The following SVOP variants were observed in gnomAD, a reference collection of about 807,000 sequenced individuals.
SVOP encodes the protein SV2 related protein, also known as synaptic vesicle 2-related protein.
In SVOP, 17 loss-of-function variants were observed where a neutral mutation model predicts 69.1. The ratio of observed to expected loss-of-function variants is 0.25; its 90% CI spans 0.17 to 0.37. SVOP has a LOEUF of 0.37. Ranked by LOEUF, SVOP falls within the 10% of genes least tolerant of loss-of-function variation. The pLI, the probability that SVOP is intolerant of heterozygous loss-of-function variation, is 1.00. For missense variants in SVOP, 435 were observed against 597.5 expected (o/e 0.73, Z 2.84); for synonymous variants, 238 against 238.6 (o/e 1.00, Z 0.02).
chr12:108,952,280 G>C (rs1319884885), intron 6 of SVOP, among the ~76,000 whole-genome samples: 1 of 139,460 alleles, frequency 7.2e-6, no homozygotes, highest in East Asian at 2.1e-4. Flanking sequence ...TGTTCCCCAG[G>C]CTGGAGTGTA....
intron 1 of SVOP, among the ~76,000 whole-genome samples, chr12:108,994,648 C>T (rs1865148): frequency 0.25 from 38,003 of 152,094 alleles, 5,019 homozygotes; most frequent in African/African-American, 0.3. Flanking sequence ...GCGGCAAGCT[C>T]GCCCAAGGTC....
chr12:108,919,714 A>C lies in SVOP; in HGVS notation c.1229T>G (p.Phe410Cys), dbSNP rs769695390. ...KKTMALCFVI[F>C]SFCSLLLFIC... ...AAACAGCAGGAGGCTGCAGAAGGAG[A>C]AGATGACAAAGCACAGGGCCATGGT... Residue 410 changes from phenylalanine (F) to cysteine (C), a missense_variant, in exon 13 of 16, where the codon TTC becomes TGC. Coordinates refer to ENST00000610966, the MANE Select transcript of SVOP (RefSeq NM_018711.5). 4.4e-6 allele frequency: 7 copies of C among 1,608,042 alleles called. No individual in the cohort carries two copies. Among genetic ancestry groups the C allele is most frequent in the African/African-American group, 1.3e-5 (1 of 74,860 alleles).
chr12:108,927,789 G>T (rs2039790308), intron 11 of SVOP, among the ~76,000 whole-genome samples: 1 of 151,724 alleles, frequency 6.6e-6, no homozygotes, highest in African/African-American at 2.4e-5. Context: ...TAGAGATGGG[G>T]TCTTACCATT....
intron 4 of SVOP, among the ~76,000 whole-genome samples, chr12:108,974,579 A>G (rs1300578552): frequency 6.6e-6 from 1 of 152,162 alleles, no homozygotes; most frequent in Non-Finnish European, 1.5e-5. Context: ...AAAAGTAAAA[A>G]AATTAGCTGG....
At chr12:108,942,359 C>T (rs2039896309) in intron 7 of SVOP, among the ~76,000 whole-genome samples, 1 of 152,204 alleles carries the variant, frequency 6.6e-6, no homozygotes, top group African/African-American at 2.4e-5. Flanking sequence ...ATCTCCCTTG[C>T]CCAATGGTGC....
Position 108,933,166 on chromosome 12 carries a change from C to T in SVOP, c.1048+1029G>A, listed in dbSNP as rs140038305. On this transcript the variant is annotated intron_variant, in intron 11 of 15. Transcript: ENST00000610966. ...CTGGGACTACATGCACGAGCCACCA[C>T]GCCTGGCCTGCAACTTTTCAGCCTC... 1.4e-3 allele frequency among the ~76,000 whole-genome samples: 210 copies of T among 152,228 alleles called. 5 individuals carry two copies. Among genetic ancestry groups the T allele is most frequent in the African/African-American group, 3.8e-3 (157 of 41,522 alleles).
intron 6 of SVOP, among the ~76,000 whole-genome samples, chr12:108,955,926 T>A (rs1409678616): frequency 1.3e-5 from 2 of 152,140 alleles, no homozygotes; most frequent in Non-Finnish European, 2.9e-5. Flanking sequence ...TTGCCTGAGG[T>A]CATACAGCTA....
chr12:108,940,097 G>T (rs1430054733), intron 8 of SVOP, among the ~76,000 whole-genome samples: 1 of 152,170 alleles, frequency 6.6e-6, no homozygotes, highest in Non-Finnish European at 1.5e-5. Flanking sequence ...TAATATAGGG[G>T]TTCATTATAG....
chr12:108,921,433 G>A (rs1364450317), intron 12 of SVOP, among the ~76,000 whole-genome samples: 1 of 152,128 alleles, frequency 6.6e-6, no homozygotes, highest in East Asian at 1.9e-4. Flanking sequence ...ATCCAAGAAA[G>A]GACCAGCAGG....
rs535778711 is a variant in SVOP at position 108,945,215 on chromosome 12, G to A, written c.579-49C>T. The A allele has an allele frequency of 2.0e-6, 3 of 1,516,212 alleles. No individual in the cohort carries two copies. In the South Asian group the frequency reaches 3.6e-5, roughly 18 times the overall value. The allele number at this position is 1,516,212 out of a possible 1,614,324, so 93.9% of individuals were successfully genotyped here. A position where few individuals can be genotyped will look rare whatever the true frequency, so the allele number is the denominator to read the frequency against. On this transcript the variant is annotated intron_variant, in intron 6 of 15. Transcript: ENST00000610966. ...AGGGAGTTAAGATCAGAACTGGGTGGGAAAATGGCTACCGTTTTCTGAATT... is the reference window on the plus strand; with the variant it reads ...AGGGAGTTAAGATCAGAACTGGGTGAGAAAATGGCTACCGTTTTCTGAATT...
chr12:108,958,448 A>G (rs2039997790), intron 6 of SVOP, among the ~76,000 whole-genome samples: 1 of 152,114 alleles, frequency 6.6e-6, no homozygotes, highest in Non-Finnish European at 1.5e-5. Flanking sequence ...CCCTGGAGCA[A>G]TAGGCTATAC....
intron 11 of SVOP, among the ~76,000 whole-genome samples, chr12:108,929,883 CA>C (rs1165330869): frequency 6.6e-6 from 1 of 152,182 alleles, no homozygotes; most frequent in Non-Finnish European, 1.5e-5. Flanking sequence ...GTAGAAAATA[CA>C]TACTAAGTAA....
At chr12:109,001,371 T>A (rs1312358240) in intron 1 of SVOP, among the ~76,000 whole-genome samples, 23 of 150,966 alleles carry the variant, frequency 1.5e-4, no homozygotes, top group Non-Finnish European at 3.3e-4. Context: ...ATCATGAAAA[T>A]GGCCATACTG....
chr12:108,922,669 C>T (rs1225560516), intron 12 of SVOP, 21 bp downstream of exon 12: 4 of 1,564,386 alleles, frequency 2.6e-6, no homozygotes, highest in Admixed American at 3.6e-5. Flanking sequence ...GACACAGCTT[C>T]ACCTTGCACA....
chr12:109,014,901 T>G (rs1344596863), intron 1 of SVOP, among the ~76,000 whole-genome samples: 2 of 152,086 alleles, frequency 1.3e-5, no homozygotes, highest in Non-Finnish European at 2.9e-5. Flanking sequence ...TTTCAAAATT[T>G]TTGGTAGAGA....
chr12:108,908,608 T>C lies in SVOP; in HGVS notation c.*3927A>G, dbSNP rs540891572. On this transcript the variant is annotated 3_prime_UTR_variant, in exon 16 of 16. Coordinates refer to ENST00000610966, the MANE Select transcript of SVOP (RefSeq NM_018711.5). ...ATTTCACTGATTTACATGCCCTGAA[T>C]TTCCCCTGTAGGAAATTAACTACCG... 12 of 152,280 alleles carry C rather than the reference T, an allele frequency of 7.9e-5. No homozygotes were observed. Among genetic ancestry groups the C allele is most frequent in the African/African-American group, 2.4e-4 (10 of 41,546 alleles). The allele number at this position is 152,280 out of a possible 1,614,324, so 9.4% of individuals were successfully genotyped here. A position where few individuals can be genotyped will look rare whatever the true frequency, so the allele number is the denominator to read the frequency against.
At chr12:108,940,757 A>G in intron 8 of SVOP, 27 bp downstream of exon 8, 1 of 1,532,800 alleles carries the variant, frequency 6.5e-7, no homozygotes, top group Non-Finnish European at 8.7e-7. Context: ...AGACAGCAAA[A>G]GGTGAAATCT....
intron 6 of SVOP, among the ~76,000 whole-genome samples, chr12:108,947,426 TA>T (rs996146391): frequency 8.5e-5 from 13 of 152,200 alleles, no homozygotes; most frequent in African/African-American, 3.1e-4. Flanking sequence ...TATATTTATT[TA>T]AAAACGAGTT....
chr12:108,922,439 T>C (rs1237709094), intron 12 of SVOP, among the ~76,000 whole-genome samples: 1 of 152,218 alleles, frequency 6.6e-6, no homozygotes, highest in Non-Finnish European at 1.5e-5. Flanking sequence ...CTTTTGTCTC[T>C]GACCCAGGAG....
Sources: gnomAD v4.1 joint callset for allele counts (sites outside exome capture counted in the v4.1 genomes callset) on GRCh38, gnomAD v4.1.1 for gene constraint, MANE v1.5 for transcripts, NCBI Gene and HGNC (gene_info 2026-07-23, HGNC 2026-07-21) for gene names.